Variants in WDR25 observed in about 807,000 individuals in gnomAD.
WDR25 encodes WD repeat-containing protein 25.
Under a neutral mutation model 47.7 loss-of-function variants are expected in WDR25, and 35 were observed. The ratio of observed to expected loss-of-function variants is 0.73; its 90% CI spans 0.56 to 0.97. The LOEUF (loss-of-function observed/expected upper bound fraction) is 0.97, where lower values mean the gene tolerates loss of function less well. Among genes scored for constraint, WDR25 ranks in the 50% least tolerant of loss-of-function variants. The pLI, the probability that WDR25 is intolerant of heterozygous loss-of-function variation, is 0.00. For missense variants in WDR25, 634 were observed against 704.7 expected (o/e 0.90, Z 1.14); for synonymous variants, 248 against 278.9 (o/e 0.89, Z 1.10).
In WDR25 at chr14:100,404,440, C is replaced by A. The variant is rs760975792; in HGVS notation, c.822+22694C>A. The stretch of plus-strand genomic sequence containing the variant: ...AAGCTGGGTTTACCACTGACAGTGT[C>A]ATTTCTCATGTGGTTTTCACCTTGA... On this transcript the variant is annotated intron_variant, in intron 2 of 6. Transcript: ENST00000402312. The surrounding 1 kb of genome is among the most constrained non-coding windows in gnomAD (Gnocchi z 4.6). Among the ~76,000 whole-genome samples the A allele has an allele frequency of 2.0e-5, 3 of 152,252 alleles. No homozygotes were observed. Among genetic ancestry groups the A allele is most frequent in the Non-Finnish European group, 4.4e-5 (3 of 68,044 alleles).
chr14:100,421,881 A>G lies in WDR25; in HGVS notation c.822+40135A>G, dbSNP rs544006180. Among the ~76,000 whole-genome samples, 11 of 152,274 alleles carry G rather than the reference A, an allele frequency of 7.2e-5. No individual in the cohort carries two copies. The South Asian group carries it at 2.1e-3, about 29-fold the overall frequency. ...TATCTCTCTATCCATCCATCCATCT[A>G]TCCATCTGGTTCATTCAATTTTCAT... is the stretch of plus-strand genomic sequence containing the variant. On this transcript the variant is annotated intron_variant, in intron 2 of 6. Coordinates refer to ENST00000402312, the MANE Select transcript of WDR25 (RefSeq NM_001161476.3).
intron 4 of WDR25, among the ~76,000 whole-genome samples, chr14:100,484,437 T>C (rs1477681160): frequency 6.6e-6 from 1 of 151,380 alleles, no homozygotes; most frequent in African/African-American, 2.4e-5. Flanking sequence ...AATGTGCGGG[T>C]ACAGATGACT....
At chr14:100,410,027 C>T (rs1000290281) in intron 2 of WDR25, among the ~76,000 whole-genome samples, 2 of 152,126 alleles carry the variant, frequency 1.3e-5, no homozygotes, top group African/African-American at 4.8e-5. Flanking sequence ...TAATTGTTTT[C>T]AGTAGCCACA....
intron 2 of WDR25, among the ~76,000 whole-genome samples, chr14:100,384,501 C>T (rs931686219): frequency 6.6e-5 from 10 of 152,148 alleles, no homozygotes; most frequent in African/African-American, 1.2e-4. Flanking sequence ...CAGGTTTGTG[C>T]GTGGCCTGGC....
At chr14:100,508,065 T>A (rs1274428729) in intron 4 of WDR25, among the ~76,000 whole-genome samples, 4 of 152,070 alleles carry the variant, frequency 2.6e-5, no homozygotes, top group Non-Finnish European at 5.9e-5. Flanking sequence ...CATCAAAAAG[T>A]TAATTCACCA....
chr14:100,515,168 A>G (rs951227188), intron 4 of WDR25, among the ~76,000 whole-genome samples: 1 of 151,944 alleles, frequency 6.6e-6, no homozygotes, highest in African/African-American at 2.4e-5. Context: ...AATTTAAACA[A>G]TGGGCCTTGG....
In WDR25 at chr14:100,488,812, C is replaced by G. The variant is rs1298390231; in HGVS notation, c.1101+4688C>G. ...TTAGCCTGCACCATCTGTGACCTAT[C>G]TCAGGGACAACGATCACTCTTGATC... is the stretch of plus-strand genomic sequence containing the variant. On this transcript the variant is annotated intron_variant, in intron 4 of 6. Transcript: ENST00000402312. This position sits in a 1 kb window ranked among gnomAD's most constrained non-coding sequence, Gnocchi z 4.2. 6.6e-6 allele frequency among the ~76,000 whole-genome samples: 1 copy of G among 152,240 alleles called. No homozygotes were observed. Among genetic ancestry groups the G allele is most frequent in the African/African-American group, 2.4e-5 (1 of 41,474 alleles).
At chr14:100,427,490 T>A (rs1898203721) in intron 2 of WDR25, among the ~76,000 whole-genome samples, 1 of 152,164 alleles carries the variant, frequency 6.6e-6, no homozygotes, top group Admixed American at 6.5e-5. Flanking sequence ...ACACGGTGCC[T>A]TGGAGGAAGG....
rs200085250 is a variant in WDR25, at chr14:100,514,422, A to AT, written c.1102-11439dup. Reference sequence around the variant, plus strand: ...TTGGGTTTAAATCTGCTACCTTGCTATTTTTTTTTATTTGTTCCATCTCTT... The same window carrying AT: ...TTGGGTTTAAATCTGCTACCTTGCTATTTTTTTTTTATTTGTTCCATCTCTT... On this transcript the variant is annotated intron_variant, in intron 4 of 6. Transcript: ENST00000402312. Among the ~76,000 whole-genome samples, 1,493 of 149,876 alleles carry AT rather than the reference A, an allele frequency of 1.0e-2. 12 individuals carry two copies. Among genetic ancestry groups the AT allele is most frequent in the Middle Eastern group, 0.042 (12 of 286 alleles).
chr14:100,471,973 C>A (rs1899852561), intron 3 of WDR25, among the ~76,000 whole-genome samples: 2 of 152,178 alleles, frequency 1.3e-5, no homozygotes, highest in Non-Finnish European at 1.5e-5. Context: ...CCACCAGGGC[C>A]CTGAGTGTCA....
At chr14:100,410,672 A>G (rs951094222) in intron 2 of WDR25, among the ~76,000 whole-genome samples, 1 of 151,708 alleles carries the variant, frequency 6.6e-6, no homozygotes, top group Non-Finnish European at 1.5e-5. Flanking sequence ...GCAAGGCAAG[A>G]TTTGTCTTCA....
intron 2 of WDR25, among the ~76,000 whole-genome samples, chr14:100,390,895 C>A (rs561898975): frequency 6.6e-6 from 1 of 152,208 alleles, no homozygotes; most frequent in Non-Finnish European, 1.5e-5. Context: ...TGTTTGAGAA[C>A]CAAGTGAGTT....
In WDR25 at chr14:100,511,444, A is replaced by C. The variant is rs572972245; in HGVS notation, c.1102-14426A>C. Among the ~76,000 whole-genome samples, 19 of 152,300 alleles carry C rather than the reference A, an allele frequency of 1.2e-4. 1 individual carries two copies. The South Asian group carries it at 3.5e-3, about 28-fold the overall frequency. Reference sequence around the variant, plus strand: ...CTTTGTAGATTCTATTGGATTTTCTATATAGATAATCATGTTGTCTGTTAA... The same window carrying C: ...CTTTGTAGATTCTATTGGATTTTCTCTATAGATAATCATGTTGTCTGTTAA... On this transcript the variant is annotated intron_variant, in intron 4 of 6. Transcript: ENST00000402312.
chr14:100,472,065 C>A (rs111372905), intron 3 of WDR25, among the ~76,000 whole-genome samples: 36 of 152,212 alleles, frequency 2.4e-4, no homozygotes, highest in African/African-American at 8.7e-4. Flanking sequence ...CAGTTCTAAG[C>A]GGTCCTGTCA....
intron 1 of WDR25, 37 bp downstream of exon 1, chr14:100,376,532 G>C: frequency 8.1e-7 from 1 of 1,231,998 alleles, no homozygotes; most frequent in Non-Finnish European, 1.0e-6. Flanking sequence ...GGCTGGAGGG[G>C]CCGGGACTGG....
At chr14:100,435,079 G>A (rs1407784089) in intron 2 of WDR25, among the ~76,000 whole-genome samples, 2 of 152,194 alleles carry the variant, frequency 1.3e-5, no homozygotes, top group African/African-American at 4.8e-5. Flanking sequence ...CAGGCGTTGT[G>A]TCTTTTCCAC....
intron 2 of WDR25, among the ~76,000 whole-genome samples, chr14:100,464,631 G>A (rs1052865949): frequency 2.7e-5 from 4 of 149,622 alleles, no homozygotes; most frequent in Non-Finnish European, 3.0e-5. Context: ...ACACCCCATC[G>A]CATCAACCCA....
intron 2 of WDR25, among the ~76,000 whole-genome samples, chr14:100,426,933 G>A (rs1898186329): frequency 6.6e-6 from 1 of 152,164 alleles, no homozygotes; most frequent in South Asian, 2.1e-4. Flanking sequence ...GGTTTCTCTA[G>A]TGGCAGCTAG....
intron 2 of WDR25, among the ~76,000 whole-genome samples, chr14:100,386,664 C>T (rs1897024696): frequency 6.6e-6 from 1 of 152,090 alleles, no homozygotes; most frequent in Non-Finnish European, 1.5e-5. Context: ...GAGGCCGAGG[C>T]AGGCGGATCA....
Sources: allele counts gnomAD v4.1 joint callset (sites outside exome capture counted in the v4.1 genomes callset), GRCh38; gene constraint gnomAD v4.1.1; non-coding constraint Gnocchi (gnomAD v3.1); transcripts MANE v1.5; gene names NCBI Gene and HGNC (gene_info 2026-07-23, HGNC 2026-07-21).